POM121: variants seen among roughly 807,000 people sequenced by gnomAD.
The protein encoded by POM121 is POM121 transmembrane nucleoporin.
Under a neutral mutation model 81.3 loss-of-function variants are expected in POM121, and 32 were observed. That is an observed-to-expected ratio of 0.39 (90% CI 0.30 to 0.53). POM121 has a LOEUF of 0.53. Ranked by LOEUF, POM121 falls within the 20% of genes least tolerant of loss-of-function variation. The pLI, the probability that POM121 is intolerant of heterozygous loss-of-function variation, is 0.66. For missense variants in POM121, 1,138 were observed against 1,614.6 expected, an observed-to-expected ratio of 0.70 and a Z score of 5.06; for synonymous variants, 514 against 694.2, an observed-to-expected ratio of 0.74 and a Z score of 4.08.
At chr7:72,904,932 C>T (rs190643129) in intron 3 of POM121, among the ~76,000 whole-genome samples, 13 of 152,264 alleles carry the variant, frequency 8.5e-5, no homozygotes, top group African/African-American at 3.1e-4. Flanking sequence ...TGAGAACTCC[C>T]TCGCTATCAC....
chr7:72,925,279 C>T lies in POM121; in HGVS notation c.158C>T (p.Ala53Val). The change falls in exon 1 of 13, where the codon GCT becomes GTT. Residue 53 changes from alanine (A) to valine (V), a missense_variant. By Grantham distance (64) the Ala-to-Val change is moderately conservative. Coordinates refer to ENST00000434423, the MANE Select transcript of POM121 (RefSeq NM_001387691.1). ...TTACTGTACCTCGTGCCGGCTGCGG[C>T]TGCACTGGCCTGGCTGACCGTGGGG... ...GLLLYLVPAA[A>V]ALAWLTVGAT... 1 of 1,534,630 alleles carries T rather than the reference C, an allele frequency of 6.5e-7. No homozygotes were observed. Among genetic ancestry groups the T allele is most frequent in the Non-Finnish European group, 8.7e-7 (1 of 1,146,452 alleles).
chr7:72,902,881 A>G (rs781942035), intron 3 of POM121, among the ~76,000 whole-genome samples: 66 of 152,254 alleles, frequency 4.3e-4, no homozygotes, highest in Non-Finnish European at 8.2e-4. Flanking sequence ...TTGTTGAGAC[A>G]TTGTTCTCCT....
intron 4 of POM121, among the ~76,000 whole-genome samples, chr7:72,914,491 C>CTT (rs77243556): frequency 3.8e-5 from 5 of 132,592 alleles, no homozygotes; most frequent in Non-Finnish European, 8.3e-5. Context: ...GAGACTGTGT[C>CTT]TTTTTTTTTT....
At chr7:72,899,716 C>G (rs1792391954) in intron 3 of POM121, among the ~76,000 whole-genome samples, 1 of 151,516 alleles carries the variant, frequency 6.6e-6, no homozygotes, top group Non-Finnish European at 1.5e-5. Flanking sequence ...GTAGCTGGGA[C>G]TACAGGCATG....
At chr7:72,924,106 G>GTT (rs11341062), upstream of POM121, among the ~76,000 whole-genome samples, 140 of 144,902 alleles carry the variant, frequency 9.7e-4, 1 homozygote, top group Middle Eastern at 0.011. Flanking sequence ...GCCCGGCTAA[G>GTT]TTTTTTTTTT....
intron 1 of POM121, among the ~76,000 whole-genome samples, chr7:72,887,436 C>T (rs1193598611): frequency 6.6e-5 from 10 of 152,174 alleles, no homozygotes; most frequent in Non-Finnish European, 1.2e-4. Context: ...GCTCCATGGC[C>T]TGGAAACGCT....
chr7:72,914,947 A>C (rs1794155594), intron 4 of POM121, among the ~76,000 whole-genome samples: 1 of 152,072 alleles, frequency 6.6e-6, no homozygotes, highest in Admixed American at 6.5e-5. Flanking sequence ...GGTGAGATGC[A>C]ACTGACTTTC....
At chr7:72,897,158 T>A (rs1792047250) in intron 3 of POM121, among the ~76,000 whole-genome samples, 1 of 150,000 alleles carries the variant, frequency 6.7e-6, no homozygotes. Flanking sequence ...TCTCAAAAAA[T>A]AATAATAATA....
chr7:72,938,592 C>G lies in POM121; in HGVS notation c.1278C>G (p.Leu426=), dbSNP rs199634236. 726 of 1,613,600 alleles carry G rather than the reference C, an allele frequency of 4.5e-4. No homozygotes were observed. Among genetic ancestry groups the G allele is most frequent in the South Asian group, 9.3e-4 (85 of 91,068 alleles). The change falls in exon 6 of 13, where the codon CTC becomes CTG. Residue 426 remains leucine (L), a splice_region_variant and synonymous_variant. Transcript: ENST00000434423. ...GTCATGTCCCTCTTGATTTTTAGCT[C>G]TGGAAGAGAAATGGCCCCAGTTCAT... The part of the protein sequence containing the change: ...SYSSTRGISQ[L]WKRNGPSSSP...
intron 3 of POM121, among the ~76,000 whole-genome samples, chr7:72,907,802 C>T (rs569465203): frequency 5.9e-5 from 9 of 152,258 alleles, no homozygotes; most frequent in East Asian, 1.9e-4. Context: ...TGAGCCACCG[C>T]GCCCAGCCTC....
intron 3 of POM121, among the ~76,000 whole-genome samples, chr7:72,913,012 C>T (rs1197017289): frequency 2.0e-5 from 3 of 152,192 alleles, no homozygotes; most frequent in African/African-American, 7.2e-5. Flanking sequence ...AATTTCATCT[C>T]TTGTCTTATC....
At chr7:72,912,929 G>T (rs1284736718) in intron 3 of POM121, among the ~76,000 whole-genome samples, 1 of 152,170 alleles carries the variant, frequency 6.6e-6, no homozygotes, top group African/African-American at 2.4e-5. Context: ...TCGAAATTGT[G>T]TCTGGAGAAG....
intron 3 of POM121, among the ~76,000 whole-genome samples, chr7:72,900,136 G>C (rs547842449): frequency 1.3e-5 from 2 of 152,320 alleles, no homozygotes; most frequent in Non-Finnish European, 2.9e-5. Context: ...CTCGTTTTCT[G>C]ATGGCATTTG....
rs71071923 is a variant in POM121, at chr7:72,894,626, GGAGAGAGAGAGAGAGAGAGAGA to G, written c.-216+3551_-216+3572del. On this transcript the variant is annotated intron_variant, in intron 3 of 15. Coordinates refer to the POM121 transcript ENST00000395270. ...GAGAGAGAGAGAGATGAGAGAGAGAGGAGAGAGAGAGAGAGAGAGAGAGAGAGAGAGAGAGAGAGAGAGAGAG... is the reference window on the plus strand; with the variant it reads ...GAGAGAGAGAGAGATGAGAGAGAGAGGAGAGAGAGAGAGAGAGAGAGAGAG... 3.0e-3 allele frequency among the ~76,000 whole-genome samples: 69 copies of G among 23,344 alleles called. 1 individual carries two copies. In the East Asian group the frequency reaches 0.15, roughly 52 times the overall value. 15.3% of individuals were successfully genotyped at this position (23,344 alleles called of 152,430 possible). A position where few individuals can be genotyped will look rare whatever the true frequency, so the allele number is the denominator to read the frequency against.
rs1792238183 is a variant in POM121 at position 72,898,801 on chromosome 7, A to AG, written c.-216+7691_-216+7692insG. Among the ~76,000 whole-genome samples, 11 of 150,394 alleles carry AG rather than the reference A, an allele frequency of 7.3e-5. No individual in the cohort carries two copies. In the South Asian group the frequency reaches 2.3e-3, roughly 32 times the overall value. On this transcript the variant is annotated intron_variant, in intron 3 of 15. Coordinates refer to the POM121 transcript ENST00000395270. ...TGACAGAGTGAGACTGTCTCAAAAA[A>AG]AAAAAAAAAAAAAAAATGCTGGAGT... is the stretch of plus-strand genomic sequence containing the variant.
chr7:72,918,464 T>G (rs1165657109), intron 4 of POM121, among the ~76,000 whole-genome samples: 2 of 152,176 alleles, frequency 1.3e-5, no homozygotes, highest in African/African-American at 2.4e-5. Context: ...AGCTCCTATC[T>G]CTGTATGGCC....
rs782721648 is a variant in POM121, at chr7:72,928,415, A to G, written c.1053A>G (p.Ser351=). Residue 351 remains serine (S), a synonymous_variant, in exon 4 of 13, where the codon TCA becomes TCG. Transcript: ENST00000434423. ...RRHDSSGSGH[S]AFEPLVANGV... is the part of the protein sequence containing the mutation. ...ATGATAGCAGTGGCAGTGGACATTC[A>G]GCATTTGAGCCCCTGGTGGCCAATG... 6.2e-7 allele frequency: 1 copy of G among 1,614,240 alleles called. No homozygotes were observed. The highest frequency in any genetic ancestry group is 1.1e-5 in the South Asian group (1 of 91,090).
Position 72,939,881 on chromosome 7 carries a change from G to C in POM121, c.1476G>C (p.Ser492=), listed in dbSNP as rs1414190506. The C allele has an allele frequency of 6.2e-7, 1 of 1,609,804 alleles. No individual in the cohort carries two copies. Among genetic ancestry groups the C allele is most frequent in the Non-Finnish European group, 8.5e-7 (1 of 1,178,496 alleles). The change falls in exon 8 of 13, where the codon TCG becomes TCC. Residue 492 remains serine, a synonymous_variant. Transcript: ENST00000434423. ...CAACCCCAAGGAAGAAACAAAACTC[G>C]AATTCTCAGTCTACACCTGGCAGCT... ...ADTTPRKKQN[S]NSQSTPGSSG...
At chr7:72,900,136 G>A (rs547842449) in intron 3 of POM121, among the ~76,000 whole-genome samples, 3 of 152,202 alleles carry the variant, frequency 2.0e-5, no homozygotes, top group Non-Finnish European at 2.9e-5. Context: ...CTCGTTTTCT[G>A]ATGGCATTTG....
Sources: gnomAD v4.1 joint callset for allele counts (sites outside exome capture counted in the v4.1 genomes callset) on GRCh38, gnomAD v4.1.1 for gene constraint, MANE v1.5 for transcripts, NCBI Gene and HGNC (gene_info 2026-07-23, HGNC 2026-07-21) for gene names.